The following TOX2 variants were observed in gnomAD, a reference collection of about 807,000 sequenced individuals.
TOX2 encodes granulosa cell HMG box 1.
Under a neutral mutation model 47.4 loss-of-function variants are expected in TOX2, and 15 were observed. The observed-to-expected ratio is 0.32, with a 90% CI of 0.21 to 0.49. The LOEUF (loss-of-function observed/expected upper bound fraction) is 0.49. Among genes scored for constraint, TOX2 ranks in the 20% least tolerant of loss-of-function variants. The pLI, the probability that TOX2 is intolerant of heterozygous loss-of-function variation, is 0.99. For missense variants in TOX2, 622 were observed against 673.1 expected (o/e 0.92, Z 0.84); for synonymous variants, 290 against 296.6 (o/e 0.98, Z 0.23).
intron 4 of TOX2, among the ~76,000 whole-genome samples, chr20:44,051,915 G>A (rs1054746636): frequency 2.0e-5 from 3 of 152,204 alleles, no homozygotes; most frequent in African/African-American, 7.2e-5. Context: ...AGCCTTGTGC[G>A]TAAAGCAGAG....
chr20:44,039,137 C>G (rs939770650), intron 3 of TOX2: 1 of 1,255,734 alleles, frequency 8.0e-7, no homozygotes, highest in South Asian at 1.2e-5. Flanking sequence ...CGGGAGGCAA[C>G]GTGTGGAGAG....
chr20:44,065,080 G>A (rs2071789241), intron 6 of TOX2, among the ~76,000 whole-genome samples: 1 of 152,256 alleles, frequency 6.6e-6, no homozygotes, highest in South Asian at 2.1e-4. Context: ...AGCACCCAGA[G>A]GGGTTGAGCA....
At chr20:43,973,185 C>T (rs1378507502) in intron 1 of TOX2, among the ~76,000 whole-genome samples, 182 bp from the exon 2 acceptor site, 1 of 152,232 alleles carries the variant, frequency 6.6e-6, no homozygotes, top group East Asian at 1.9e-4. Context: ...ACAGGGGCTG[C>T]TCCTTCCACC....
intron 3 of TOX2, among the ~76,000 whole-genome samples, chr20:44,016,563 CATTCCTGGCCTCTACTCACT>C (rs2070882204): frequency 6.6e-6 from 1 of 152,298 alleles, no homozygotes; most frequent in East Asian, 1.9e-4. Flanking sequence ...TGTCTAGCAG[CATTCCTGGCCTCTACTCACT>C]ATTCCTGGCC....
chr20:44,063,116 T>C (rs60443930), intron 5 of TOX2, among the ~76,000 whole-genome samples: 14,430 of 152,028 alleles, frequency 0.095, 754 homozygotes, highest in South Asian at 0.14. Context: ...CAAAAGCAAA[T>C]GCAACAAAAA....
Position 44,064,002 on chromosome 20 carries a change from G to T in TOX2, c.880-775G>T, listed in dbSNP as rs190303344. Among the ~76,000 whole-genome samples, 4 of 152,274 alleles carry T rather than the reference G, an allele frequency of 2.6e-5. No homozygotes were observed. The East Asian group carries it at 7.7e-4, about 29-fold the overall frequency. On this transcript the variant is annotated intron_variant, in intron 5 of 8. Transcript: ENST00000341197. ...TGATACAATGGACTTTGGGGACTTG[G>T]GGAAAAGGATGGTAGTGAAGGATAA... is the stretch of plus-strand genomic sequence containing the variant.
Position 44,065,896 on chromosome 20 carries a change from T to C in TOX2, c.1145T>C (p.Leu382Pro), listed in dbSNP as rs775061518. 2 of 1,612,180 alleles carry C rather than the reference T, an allele frequency of 1.2e-6. No individual in the cohort carries two copies. Among genetic ancestry groups the C allele is most frequent in the African/African-American group, 1.3e-5 (1 of 75,024 alleles). ...SLARTLGSKS[L>P]LPGLSASPPP... ...GCCCGGACGCTGGGCTCCAAGTCTCTGCTGCCAGGCCTCAGTGCGTCCCCG... is the reference window on the plus strand; with the variant it reads ...GCCCGGACGCTGGGCTCCAAGTCTCCGCTGCCAGGCCTCAGTGCGTCCCCG... Residue 382 changes from leucine to proline, a missense_variant, in exon 7 of 9, where the codon CTG (leucine) becomes CCG (proline). By Grantham distance (98) the Leu-to-Pro change is moderately conservative. Transcript: ENST00000341197.
chr20:44,025,432 G>T (rs768743242), intron 3 of TOX2, among the ~76,000 whole-genome samples: 2 of 150,818 alleles, frequency 1.3e-5, no homozygotes, highest in Non-Finnish European at 3.0e-5. Context: ...TGAAGAAGGG[G>T]GCAGCTGAGA....
At chr20:44,032,257 T>C (rs2071167171) in intron 3 of TOX2, among the ~76,000 whole-genome samples, 1 of 152,188 alleles carries the variant, frequency 6.6e-6, no homozygotes, top group African/African-American at 2.4e-5. Flanking sequence ...CCCATGGTTT[T>C]CCAGCTCAGC....
At chr20:44,028,079 C>T (rs548393306) in intron 3 of TOX2, among the ~76,000 whole-genome samples, 10 of 152,212 alleles carry the variant, frequency 6.6e-5, no homozygotes, top group South Asian at 4.1e-4. Context: ...CACACTCAGC[C>T]GAAGGTACGA....
chr20:44,068,791 G>C lies in TOX2; in HGVS notation c.*105G>C. 6.8e-7 allele frequency: 1 copy of C among 1,481,428 alleles called. No homozygotes were observed. The highest frequency in any genetic ancestry group is 1.4e-5 in the African/African-American group (1 of 71,688). The allele number at this position is 1,481,428 out of a possible 1,614,324, so 91.8% of individuals were successfully genotyped here. On this transcript the variant is annotated 3_prime_UTR_variant, in exon 9 of 9. Transcript: ENST00000341197. ...TGGCCAGAGGCAGGGTGGCCCATCG[G>C]AGAGAGCAGTGACACACCCATTGCC...
chr20:44,032,616 CT>C (rs1282676695), intron 3 of TOX2, among the ~76,000 whole-genome samples: 2 of 151,996 alleles, frequency 1.3e-5, no homozygotes, highest in African/African-American at 4.8e-5. Context: ...TCAGTAAGGA[CT>C]TTGGCTTTTA....
chr20:44,005,062 C>T (rs1464348914), intron 2 of TOX2, among the ~76,000 whole-genome samples: 1 of 152,136 alleles, frequency 6.6e-6, no homozygotes, highest in African/African-American at 2.4e-5. Flanking sequence ...CTGTGTACCC[C>T]ATAAGTAAGT....
At chr20:43,995,007 G>A (rs1369700583) in intron 2 of TOX2, among the ~76,000 whole-genome samples, 1 of 152,128 alleles carries the variant, frequency 6.6e-6, no homozygotes, top group Non-Finnish European at 1.5e-5. Context: ...TAAAGGCTGA[G>A]AAAAGATATT....
At chr20:44,020,149 G>A (rs973618407) in intron 3 of TOX2, among the ~76,000 whole-genome samples, 3 of 152,200 alleles carry the variant, frequency 2.0e-5, no homozygotes, top group Admixed American at 1.3e-4. Flanking sequence ...ATCTGGAGCC[G>A]CGCTAGAGGG....
intron 1 of TOX2, among the ~76,000 whole-genome samples, chr20:43,929,371 C>T (rs1367455776): frequency 1.3e-5 from 2 of 152,196 alleles, no homozygotes; most frequent in African/African-American, 4.8e-5. Flanking sequence ...CCTCTGCCTG[C>T]ATTTCCAGCC....
At chr20:43,945,822 C>A in intron 1 of TOX2, 1 of 1,552,726 alleles carries the variant, frequency 6.4e-7, no homozygotes, top group South Asian at 1.1e-5. Context: ...GGTGGGGGTG[C>A]TGGGCCTCCA....
chr20:43,985,108 T>C (rs2070241499), intron 2 of TOX2, among the ~76,000 whole-genome samples: 1 of 152,210 alleles, frequency 6.6e-6, no homozygotes, highest in Non-Finnish European at 1.5e-5. Flanking sequence ...GTCAGGATCC[T>C]GGTTCCGGCC....
chr20:44,017,535 C>G (rs913003529), intron 3 of TOX2, among the ~76,000 whole-genome samples: 2 of 152,218 alleles, frequency 1.3e-5, no homozygotes, highest in African/African-American at 4.8e-5. Flanking sequence ...TGCTCATGCC[C>G]ATGGGGCCAG....
Sources: gnomAD v4.1 joint callset for allele counts (sites outside exome capture counted in the v4.1 genomes callset) on GRCh38, gnomAD v4.1.1 for gene constraint, MANE v1.5 for transcripts, NCBI Gene and HGNC (gene_info 2026-07-23, HGNC 2026-07-21) for gene names.